Variants in C5 observed in about 807,000 individuals in gnomAD.
The protein encoded by C5 is C3 and PZP-like alpha-2-macroglobulin domain-containing protein 4.
C5 carries 140 observed loss-of-function variants against 218.8 expected under a neutral mutation model. The observed-to-expected ratio is 0.64, with a 90% CI of 0.56 to 0.74. The LOEUF (loss-of-function observed/expected upper bound fraction) is 0.74. Among genes scored for constraint, C5 ranks in the 30% least tolerant of loss-of-function variants. The pLI, the probability that C5 is intolerant of heterozygous loss-of-function variation, is 0.00. For synonymous variants in C5, 614 were observed against 682.3 expected, an observed-to-expected ratio of 0.90 and a Z score of 1.56; for missense variants, 1,700 against 1,969.6, an observed-to-expected ratio of 0.86 and a Z score of 2.59.
chr9:121,063,634 G>A, the C5 span, among the ~76,000 whole-genome samples: 1 of 152,020 alleles, frequency 6.6e-6, no homozygotes, highest in African/African-American at 2.4e-5. Flanking sequence ...TTAAATAATA[G>A]AATAGAGCAA....
At chr9:121,005,761 T>G (rs1034489321) in intron 20 of C5, among the ~76,000 whole-genome samples, 158 bp downstream of exon 20, 7 of 152,220 alleles carry the variant, frequency 4.6e-5, no homozygotes, top group African/African-American at 1.4e-4. Flanking sequence ...TTAATTCACA[T>G]CCCTACACAT....
chr9:120,982,088 T>C (rs2046998478), intron 26 of C5, 149 bp from the exon 27 acceptor site: 1 of 686,652 alleles, frequency 1.5e-6, no homozygotes, highest in African/African-American at 1.8e-5. Context: ...CTTGGCTCAC[T>C]GCAACCTCCG....
intron 14 of C5, 141 bp downstream of exon 14, chr9:121,017,221 A>T: frequency 2.2e-6 from 2 of 903,982 alleles, no homozygotes; most frequent in South Asian, 2.8e-5. Flanking sequence ...AGCTGACAGG[A>T]GGATGGTTTA....
In C5 at chr9:121,002,348, A is replaced by G. The variant is rs574952201; in HGVS notation, c.2562+3571T>C. ...TATATATATATATATATATACACAC[A>G]TACCTACACAAGCCGATTTTATATG... On this transcript the variant is annotated intron_variant, in intron 20 of 40. Transcript: ENST00000223642. 2.6e-3 allele frequency among the ~76,000 whole-genome samples: 361 copies of G among 138,956 alleles called. 7 individuals are homozygous for G. Among genetic ancestry groups the G allele is most frequent in the Non-Finnish European group, 4.5e-3 (288 of 64,278 alleles). 91.2% of individuals were successfully genotyped at this position (138,956 alleles called of 152,430 possible). A position where few individuals can be genotyped will look rare whatever the true frequency, so the allele number is the denominator to read the frequency against.
chr9:120,986,577 C>T (rs1190950822), intron 25 of C5, among the ~76,000 whole-genome samples: 4 of 146,220 alleles, frequency 2.7e-5, no homozygotes, highest in African/African-American at 1.1e-4. Context: ...GCCCCAAACT[C>T]TTGAAAGGCT....
rs1409824235 is a variant in C5 at position 121,020,176 on chromosome 9, T to C, written c.1306A>G (p.Lys436Glu). The C allele has an allele frequency of 1.7e-5, 28 of 1,613,336 alleles. No homozygotes were observed. Among genetic ancestry groups the C allele is most frequent in the Non-Finnish European group, 2.1e-5 (25 of 1,179,384 alleles). ...TCTGGAAGATCTGGAGCATCAGTTT[T>C]GACCTGAAAAGAGAAATTTCAAAAA... Reference protein sequence around the residue: ...SGVTVLEFNVKTDAPDLPEEN... With the variant: ...SGVTVLEFNVETDAPDLPEEN... Residue 436 changes from lysine (K) to glutamate (E), a missense_variant, in exon 12 of 41, where the codon AAA becomes GAA. Transcript: ENST00000223642.
chr9:120,974,346 T>C (rs2131687206), intron 30 of C5, among the ~76,000 whole-genome samples: 1 of 152,338 alleles, frequency 6.6e-6, no homozygotes, highest in South Asian at 2.1e-4. Context: ...CTCCCAGACA[T>C]GCCTTCCCTC....
In C5 at chr9:120,989,640, C is replaced by T. The variant is rs1181464641; in HGVS notation, c.3082G>A (p.Gly1028Arg). The T allele has an allele frequency of 6.2e-7, 1 of 1,613,140 alleles. No homozygotes were observed. Among genetic ancestry groups the T allele is most frequent in the Non-Finnish European group, 8.5e-7 (1 of 1,179,720 alleles). Residue 1028 changes from glycine to arginine, a missense_variant, in exon 24 of 41, where the codon GGA (glycine) becomes AGA (arginine). Physicochemically the swap from Gly to Arg is moderately radical, Grantham distance 125. Coordinates refer to ENST00000223642, the MANE Select transcript of C5 (RefSeq NM_001735.3). ...VFYVFHYLET[G>R]NHWNIFHSDP... ...GAATGAAAAATGTTCCAATGATTTCCTGTTTCCAGGTAGTGAAAAACATAG... is the reference window on the plus strand; with the variant it reads ...GAATGAAAAATGTTCCAATGATTTCTTGTTTCCAGGTAGTGAAAAACATAG...
At chr9:121,019,289 T>A (rs2131767691) in intron 12 of C5, among the ~76,000 whole-genome samples, 1 of 152,310 alleles carries the variant, frequency 6.6e-6, no homozygotes, top group East Asian at 1.9e-4. Context: ...TCATTACTGT[T>A]TTTTCAATTT....
At chr9:120,964,040 A>G (rs528401355) in intron 33 of C5, among the ~76,000 whole-genome samples, 2 of 152,366 alleles carry the variant, frequency 1.3e-5, no homozygotes, top group South Asian at 4.1e-4. Flanking sequence ...TCAAGGTCAC[A>G]TGGCTAATTC....
In C5 at chr9:121,035,682, A is replaced by T. The variant is rs867904837; in HGVS notation, c.493-788T>A. Among the ~76,000 whole-genome samples the T allele has an allele frequency of 8.6e-5, 13 of 151,178 alleles. No homozygotes were observed. The South Asian group carries it at 2.5e-3, about 29-fold the overall frequency. ...ACTCACAGGCTCAAGCAATCCTCCC[A>T]CCTCAGCCTCCCAAGTAGCCAGGAC... On this transcript the variant is annotated intron_variant, in intron 4 of 40. Coordinates refer to ENST00000223642, the MANE Select transcript of C5 (RefSeq NM_001735.3).
At chr9:121,023,568 T>C in intron 9 of C5, 49 bp from the exon 10 acceptor site, 1 of 984,758 alleles carries the variant, frequency 1.0e-6, no homozygotes, top group Non-Finnish European at 1.7e-6. Flanking sequence ...AGTATCATGA[T>C]CTGTATGGAT....
intron 3 of C5, 77 bp downstream of exon 3, chr9:121,042,927 G>T: frequency 8.6e-7 from 1 of 1,162,946 alleles, no homozygotes; most frequent in Non-Finnish European, 1.3e-6. Flanking sequence ...CTCAATTTCA[G>T]GTATTAAAAA....
rs1044851812 is a variant in C5, at chr9:121,017,856, A to C, written c.1507-4T>G. 5 of 1,572,640 alleles carry C rather than the reference A, an allele frequency of 3.2e-6. No individual in the cohort carries two copies. In the Admixed American group the frequency reaches 6.7e-5, roughly 21 times the overall value. On this transcript the variant is annotated splice_region_variant and splice_polypyrimidine_tract_variant and intron_variant, in intron 12 of 40. Transcript: ENST00000223642. ...TAATTTTGCCCTTGGATAAAATCTAAAAATAAACAGCAGCAGCAACAATAA... is the reference window on the plus strand; with the variant it reads ...TAATTTTGCCCTTGGATAAAATCTACAAATAAACAGCAGCAGCAACAATAA...
intron 17 of C5, 82 bp downstream of exon 17, chr9:121,013,791 G>T: frequency 8.3e-7 from 1 of 1,202,844 alleles, no homozygotes; most frequent in Admixed American, 1.8e-5. Flanking sequence ...AATAGATCAT[G>T]AAAACTGCCT....
At chr9:120,973,710 G>C (rs1004080853) in intron 30 of C5, among the ~76,000 whole-genome samples, 1 of 152,068 alleles carries the variant, frequency 6.6e-6, no homozygotes, top group African/African-American at 2.4e-5. Flanking sequence ...TGGGCATGGT[G>C]GCTCACACCT....
intron 40 of C5, 58 bp from the exon 41 acceptor site, chr9:120,952,926 T>G: frequency 6.3e-7 from 1 of 1,593,940 alleles, no homozygotes; most frequent in Non-Finnish European, 8.6e-7. Flanking sequence ...TGAATTTGAT[T>G]TCTTTATTTT....
chr9:121,054,582 G>A (rs542793522), upstream of C5, among the ~76,000 whole-genome samples: 146 of 152,250 alleles, frequency 9.6e-4, no homozygotes, highest in African/African-American at 3.4e-3. Flanking sequence ...CCTGGGCAAC[G>A]AGAGCAAAAC....
At chr9:121,007,981 A>C (rs1178375659) in intron 18 of C5, among the ~76,000 whole-genome samples, 1 of 152,194 alleles carries the variant, frequency 6.6e-6, no homozygotes, top group African/African-American at 2.4e-5. Flanking sequence ...GACTCAGCCC[A>C]TCACTGTTTT....
Sources: gnomAD v4.1 joint callset for allele counts (sites outside exome capture counted in the v4.1 genomes callset) on GRCh38, gnomAD v4.1.1 for gene constraint, MANE v1.5 for transcripts, NCBI Gene and HGNC (gene_info 2026-07-23, HGNC 2026-07-21) for gene names.